The following CDK19 variants were observed in gnomAD, a reference collection of about 807,000 sequenced individuals.
CDK19 encodes cyclin-dependent kinase 19.
CDK19 carries 20 observed loss-of-function variants against 68.3 expected under a neutral mutation model. The observed-to-expected ratio is 0.29, with a 90% CI of 0.21 to 0.43. The LOEUF (loss-of-function observed/expected upper bound fraction) is 0.43, where lower values mean the gene tolerates loss of function less well. CDK19 is among the 20% of genes least tolerant of loss of function. CDK19 has a pLI of 1.00. For missense variants in CDK19, 339 were observed against 623.5 expected (o/e 0.54, Z 4.86); for synonymous variants, 221 against 222.8 (o/e 0.99, Z 0.07).
chr6:110,814,864 G>T, intron 1 of CDK19, 145 bp downstream of exon 1: 1 of 1,066,098 alleles, frequency 9.4e-7, no homozygotes, highest in Non-Finnish European at 1.4e-6. Flanking sequence ...GGCGCCCCTC[G>T]GAGTCGGTGT....
At chr6:110,736,302 T>C (rs1287008184) in intron 2 of CDK19, among the ~76,000 whole-genome samples, 1 of 152,116 alleles carries the variant, frequency 6.6e-6, no homozygotes, top group Non-Finnish European at 1.5e-5. Context: ...GATCACGCCA[T>C]TGCACTCCAG....
chr6:110,654,565 T>C (rs1444030629), intron 4 of CDK19, among the ~76,000 whole-genome samples: 1 of 152,222 alleles, frequency 6.6e-6, no homozygotes, highest in Non-Finnish European at 1.5e-5. Context: ...GTGAATGAGC[T>C]AAATTGCCAG....
intron 1 of CDK19, chr6:110,813,711 A>G (rs1006593359): frequency 4.0e-5 from 3 of 74,094 alleles, no homozygotes; most frequent in Non-Finnish European, 7.8e-5. Flanking sequence ...AAAACACTTT[A>G]TAATAGAGTT....
chr6:110,688,695 G>A (rs972808062), intron 2 of CDK19, among the ~76,000 whole-genome samples: 7 of 152,156 alleles, frequency 4.6e-5, no homozygotes, highest in African/African-American at 1.7e-4. Flanking sequence ...TTAGGGAGTG[G>A]TGAGGAATAG....
intron 8 of CDK19, among the ~76,000 whole-genome samples, chr6:110,623,799 CACAT>C (rs1778883102): frequency 8.3e-6 from 1 of 121,068 alleles, no homozygotes; most frequent in Non-Finnish European, 1.7e-5. Flanking sequence ...TATATACACA[CACAT>C]ATACACATAT....
intron 2 of CDK19, among the ~76,000 whole-genome samples, chr6:110,724,340 A>G (rs1776170320): frequency 6.6e-6 from 1 of 152,056 alleles, no homozygotes; most frequent in South Asian, 2.1e-4. Context: ...AAGCAACAAG[A>G]GCGAAACTCC....
intron 1 of CDK19, among the ~76,000 whole-genome samples, chr6:110,757,719 C>T (rs1778928847): frequency 6.6e-6 from 1 of 152,078 alleles, no homozygotes; most frequent in Admixed American, 6.5e-5. Context: ...CATCAAAAAC[C>T]ATTCATATAT....
intron 4 of CDK19, among the ~76,000 whole-genome samples, chr6:110,644,205 T>G (rs1052759272): frequency 2.0e-5 from 3 of 151,704 alleles, no homozygotes; most frequent in Non-Finnish European, 4.4e-5. Flanking sequence ...GGCAGGAGAA[T>G]TGCTTTAACC....
chr6:110,727,140 T>A (rs1479255721), intron 2 of CDK19, among the ~76,000 whole-genome samples: 1 of 152,180 alleles, frequency 6.6e-6, no homozygotes, highest in Non-Finnish European at 1.5e-5. Flanking sequence ...TCATGAGATA[T>A]ATGAAAACAC....
chr6:110,652,507 A>G (rs1245139121), intron 4 of CDK19, among the ~76,000 whole-genome samples: 1 of 152,226 alleles, frequency 6.6e-6, no homozygotes, highest in Non-Finnish European at 1.5e-5. Flanking sequence ...TTATTTTTTA[A>G]TTATTTTTCA....
At position 110,634,208 on chromosome 6, in the gene CDK19, C is replaced by T. The variant is rs542677279; in HGVS notation, c.515-2047G>A. 2.6e-5 allele frequency among the ~76,000 whole-genome samples: 4 copies of T among 151,794 alleles called. No homozygotes were observed. The South Asian group carries it at 6.2e-4, about 24-fold the overall frequency. On this transcript the variant is annotated intron_variant, in intron 5 of 12. Transcript: ENST00000368911. ...AAATCTTTTTAATTTATAGAAATTTCGGGTCTTTGTCTTGTGTTTTTGTTT... is the reference window on the plus strand; with the variant it reads ...AAATCTTTTTAATTTATAGAAATTTTGGGTCTTTGTCTTGTGTTTTTGTTT...
chr6:110,739,970 C>G (rs1185275043), intron 2 of CDK19, among the ~76,000 whole-genome samples: 1 of 151,850 alleles, frequency 6.6e-6, no homozygotes, highest in African/African-American at 2.4e-5. Context: ...ATCTTTATAT[C>G]CTACAAAACT....
At chr6:110,784,824 G>A (rs1285497090) in intron 1 of CDK19, among the ~76,000 whole-genome samples, 1 of 152,224 alleles carries the variant, frequency 6.6e-6, no homozygotes, top group African/African-American at 2.4e-5. Flanking sequence ...GCTACAATAT[G>A]AGTGAACTTT....
intron 6 of CDK19, 113 bp downstream of exon 6, chr6:110,631,917 G>C: frequency 1.1e-6 from 1 of 914,396 alleles, no homozygotes; most frequent in Non-Finnish European, 1.7e-6. Context: ...GAAGACAATA[G>C]GACTTTTACA....
chr6:110,656,614 A>G (rs1224922937), intron 4 of CDK19, among the ~76,000 whole-genome samples: 1 of 152,258 alleles, frequency 6.6e-6, no homozygotes, highest in Non-Finnish European at 1.5e-5. Context: ...CAGTATCTGT[A>G]ATATAACACC....
At chr6:110,800,762 A>C (rs945393109) in intron 1 of CDK19, among the ~76,000 whole-genome samples, 8 of 152,178 alleles carry the variant, frequency 5.3e-5, no homozygotes, top group African/African-American at 1.9e-4. Flanking sequence ...CCTTCATGAC[A>C]AAAATGCTCA....
intron 1 of CDK19, among the ~76,000 whole-genome samples, chr6:110,791,372 TA>T (rs2115070237): frequency 6.6e-6 from 1 of 152,156 alleles, no homozygotes; most frequent in South Asian, 2.1e-4. Context: ...TGCATATAAT[TA>T]AAGATATTAT....
intron 4 of CDK19, among the ~76,000 whole-genome samples, chr6:110,643,658 A>AT (rs1316264024): frequency 3.9e-5 from 6 of 152,258 alleles, no homozygotes; most frequent in Non-Finnish European, 1.5e-5. Context: ...ACACAGTCAC[A>AT]TAAAAACACA....
At chr6:110,801,573 G>A (rs929709450) in intron 1 of CDK19, among the ~76,000 whole-genome samples, 9 of 151,988 alleles carry the variant, frequency 5.9e-5, no homozygotes, top group East Asian at 3.9e-4. Context: ...GTGCAGTGGC[G>A]TCATCTCGGC....
Sources: gnomAD v4.1 joint callset for allele counts (sites outside exome capture counted in the v4.1 genomes callset) on GRCh38, gnomAD v4.1.1 for gene constraint, MANE v1.5 for transcripts, NCBI Gene and HGNC (gene_info 2026-07-23, HGNC 2026-07-21) for gene names.